ADGRL3: variants seen among roughly 807,000 people sequenced by gnomAD.
ADGRL3 encodes adhesion G protein-coupled receptor L3, also known as calcium-independent alpha-latrotoxin receptor 3.
Under a neutral mutation model 153.5 loss-of-function variants are expected in ADGRL3, and 62 were observed. The observed-to-expected ratio is 0.40, with a 90% CI of 0.33 to 0.50. The LOEUF (loss-of-function observed/expected upper bound fraction) is 0.50. Among genes scored for constraint, ADGRL3 ranks in the 20% least tolerant of loss-of-function variants. ADGRL3 has a pLI of 0.47. For missense variants in ADGRL3, 1,641 were observed against 1,859.4 expected (o/e 0.88, Z 2.16); for synonymous variants, 710 against 672.5 (o/e 1.06, Z -0.86).
At chr4:61,466,260 G>C (rs2152646979) in intron 2 of ADGRL3, among the ~76,000 whole-genome samples, 1 of 152,128 alleles carries the variant, frequency 6.6e-6, no homozygotes, top group South Asian at 2.1e-4. Context: ...CTAATTTCTA[G>C]ATTATCCCCA....
At chr4:61,205,140 AG>A (rs1736522833) in intron 1 of ADGRL3, among the ~76,000 whole-genome samples, 1 of 152,204 alleles carries the variant, frequency 6.6e-6, no homozygotes, top group Admixed American at 6.5e-5. Flanking sequence ...TAGATTAAAA[AG>A]ACTATAAAGT....
intron 21 of ADGRL3, among the ~76,000 whole-genome samples, chr4:62,023,818 G>A (rs908453898): frequency 2.6e-5 from 4 of 152,104 alleles, no homozygotes; most frequent in African/African-American, 9.7e-5. Flanking sequence ...TACGCACTGG[G>A]AAATCCCCAA....
At chr4:61,328,117 A>G (rs1179395841) in intron 1 of ADGRL3, among the ~76,000 whole-genome samples, 1 of 152,100 alleles carries the variant, frequency 6.6e-6, no homozygotes, top group African/African-American at 2.4e-5. Context: ...TGTATTCCAA[A>G]CTGGGTTGCT....
chr4:61,209,749 G>A (rs949432815), intron 1 of ADGRL3, among the ~76,000 whole-genome samples: 4 of 152,038 alleles, frequency 2.6e-5, no homozygotes, highest in South Asian at 2.1e-4. Context: ...TACTGTGTCC[G>A]AAGATTGACT....
At chr4:61,570,662 A>G (rs961066048) in intron 4 of ADGRL3, among the ~76,000 whole-genome samples, 4 of 152,170 alleles carry the variant, frequency 2.6e-5, no homozygotes, top group Non-Finnish European at 5.9e-5. Context: ...GTCTCTCACA[A>G]TCGGAAATTA....
chr4:61,384,284 A>G (rs1348193284), intron 2 of ADGRL3, among the ~76,000 whole-genome samples: 1 of 151,910 alleles, frequency 6.6e-6, no homozygotes, highest in African/African-American at 2.4e-5. Context: ...TACAGAAGAG[A>G]TATGATTGAA....
chr4:61,393,867 G>GACCT (rs1278008728), intron 2 of ADGRL3, among the ~76,000 whole-genome samples: 3 of 152,024 alleles, frequency 2.0e-5, no homozygotes, highest in Non-Finnish European at 4.4e-5. Context: ...GTGTGCATAA[G>GACCT]ACCTCGGCTG....
chr4:61,909,485 C>A, intron 11 of ADGRL3, 75 bp from the exon 12 acceptor site: 1 of 997,972 alleles, frequency 1.0e-6, no homozygotes, highest in Non-Finnish European at 1.5e-6. Flanking sequence ...TACATGCAAA[C>A]ATGATCGTTG....
intron 5 of ADGRL3, among the ~76,000 whole-genome samples, chr4:61,608,251 T>C (rs574586508): frequency 6.6e-6 from 1 of 152,348 alleles, no homozygotes; most frequent in Admixed American, 6.5e-5. Flanking sequence ...GATCCAGTCA[T>C]GATGATGTCC....
chr4:61,926,447 C>T (rs903183474), intron 13 of ADGRL3, among the ~76,000 whole-genome samples: 4 of 152,058 alleles, frequency 2.6e-5, no homozygotes, highest in Non-Finnish European at 5.9e-5. Context: ...CATCAACTGG[C>T]GTTAACTAAT....
chr4:61,935,993 T>C lies in ADGRL3; in HGVS notation c.2367T>C (p.His789=), dbSNP rs1319296025. The C allele has an allele frequency of 4.3e-6, 7 of 1,609,266 alleles. No homozygotes were observed. The highest frequency in any genetic ancestry group is 5.9e-6 in the Non-Finnish European group (7 of 1,177,606). The change falls in exon 15 of 27, where the codon CAT becomes CAC. Residue 789 remains histidine, a synonymous_variant. Transcript: ENST00000683033. ...TAAAATTTCCAGAAAACATGGGCCA[T>C]GGAAGCACTATCCAGCTGTCTGCAA... The part of the protein sequence containing the change: ...EDLKFPENMG[H]GSTIQLSANT...
At chr4:61,711,477 T>TATATATATATATATATAC (rs2095986292) in intron 6 of ADGRL3, among the ~76,000 whole-genome samples, 2 of 97,104 alleles carry the variant, frequency 2.1e-5, no homozygotes, top group African/African-American at 7.9e-5. Flanking sequence ...TATATATATA[T>TATATATATATATATATAC]ATATATATAT....
chr4:61,765,219 A>G (rs2096962102), intron 8 of ADGRL3, among the ~76,000 whole-genome samples: 1 of 152,088 alleles, frequency 6.6e-6, no homozygotes. Flanking sequence ...AGTAGTTGAG[A>G]ACGGTGAATA....
At chr4:61,355,650 AC>A (rs2096150278) in intron 1 of ADGRL3, among the ~76,000 whole-genome samples, 1 of 152,072 alleles carries the variant, frequency 6.6e-6, no homozygotes, top group Admixed American at 6.5e-5. Flanking sequence ...GACAAAATAC[AC>A]CTTGGCAGTT....
chr4:62,031,632 A>T (rs566527572), intron 23 of ADGRL3, 22 bp downstream of exon 23: 4 of 1,546,182 alleles, frequency 2.6e-6, no homozygotes, highest in Non-Finnish European at 3.5e-6. Flanking sequence ...TTCTTTTTTT[A>T]AAATAAAAAT....
intron 1 of ADGRL3, among the ~76,000 whole-genome samples, chr4:61,275,626 T>C (rs2093423478): frequency 6.6e-6 from 1 of 152,104 alleles, no homozygotes; most frequent in South Asian, 2.1e-4. Flanking sequence ...TTAGATTGCT[T>C]TAGAGGGAGC....
intron 17 of ADGRL3, among the ~76,000 whole-genome samples, chr4:61,958,377 G>GTTCTTTC (rs1553894040): frequency 0.018 from 2,696 of 148,164 alleles, 40 homozygotes; most frequent in South Asian, 0.06. Context: ...TGTTGTAAAG[G>GTTCTTTC]TTTCTTTCTT....
intron 5 of ADGRL3, among the ~76,000 whole-genome samples, chr4:61,667,076 TA>T (rs1220733444): frequency 6.6e-6 from 1 of 152,200 alleles, no homozygotes; most frequent in Non-Finnish European, 1.5e-5. Context: ...CTATGAATTT[TA>T]CTCATGTGTC....
intron 2 of ADGRL3, chr4:61,385,638 C>T (rs1328581994): frequency 6.6e-6 from 1 of 152,078 alleles, no homozygotes; most frequent in Non-Finnish European, 1.5e-5. Context: ...ATCTGCAGTA[C>T]TTCATCTTTC....
Sources: gnomAD v4.1 joint callset for allele counts (sites outside exome capture counted in the v4.1 genomes callset) on GRCh38, gnomAD v4.1.1 for gene constraint, MANE v1.5 for transcripts, NCBI Gene and HGNC (gene_info 2026-07-23, HGNC 2026-07-21) for gene names.